Variants in SPEF2 observed in about 807,000 individuals in gnomAD.
The protein encoded by SPEF2 is sperm flagella and cilia-associated protein 2.
In SPEF2, 187 loss-of-function variants were observed where a neutral mutation model predicts 224.6. The ratio of observed to expected loss-of-function variants is 0.83; its 90% confidence interval spans 0.74 to 0.94. SPEF2 has a LOEUF of 0.94. Among genes scored for constraint, SPEF2 ranks in the 40% least tolerant of loss-of-function variants. The pLI is 0.00. For missense variants in SPEF2, 2,170 were observed against 2,135.6 expected, an observed-to-expected ratio of 1.02 and a Z score of -0.32; for synonymous variants, 715 against 707.3, an observed-to-expected ratio of 1.01 and a Z score of -0.17.
intron 6 of SPEF2, among the ~76,000 whole-genome samples, chr5:35,652,012 G>A (rs1475586565): frequency 6.6e-6 from 1 of 152,118 alleles, no homozygotes; most frequent in Non-Finnish European, 1.5e-5. Context: ...ATTTGTCAGA[G>A]GCTTTTCCCA....
intron 26 of SPEF2, among the ~76,000 whole-genome samples, chr5:35,766,496 G>A (rs1210220439): frequency 6.6e-6 from 1 of 151,980 alleles, no homozygotes; most frequent in Non-Finnish European, 1.5e-5. Flanking sequence ...GTGTCTATGT[G>A]ACGTCCACTT....
chr5:35,740,587 A>G (rs1223748256), intron 23 of SPEF2, among the ~76,000 whole-genome samples: 2 of 152,164 alleles, frequency 1.3e-5, no homozygotes, highest in South Asian at 2.1e-4. Flanking sequence ...TGTTAATCAC[A>G]TTCCTTTCTT....
chr5:35,714,051 A>T (rs747868991), intron 20 of SPEF2, among the ~76,000 whole-genome samples: 4 of 4,240 alleles, frequency 9.4e-4, no homozygotes, highest in African/African-American at 2.4e-3. Context: ...CAGTATATAT[A>T]TTTTATATAG....
Position 35,793,360 on chromosome 5 carries a change from T to G in SPEF2, c.4737+19T>G, listed in dbSNP as rs1756217626. ...TATGCAGGTTGTTACCAGCACCTGA[T>G]GGCATTGATAACACCAGAACACTTG... On this transcript the variant is annotated intron_variant, in intron 32 of 36. Transcript: ENST00000356031. 1 of 1,605,670 alleles carries G rather than the reference T, an allele frequency of 6.2e-7. No individual in the cohort carries two copies. The highest frequency in any genetic ancestry group is 1.7e-5 in the Admixed American group (1 of 58,182).
rs80235501 is a variant in SPEF2, at chr5:35,626,162, C to A, written c.59-2298C>A. Among the ~76,000 whole-genome samples the A allele has an allele frequency of 5.1e-3, 775 of 152,236 alleles. 5 individuals are homozygous for A. The highest frequency in any genetic ancestry group is 0.018 in the African/African-American group (733 of 41,542). ...ATGCCATGAATTTCAAATTCTCCTG[C>A]TGGAAGCTTTAGGACATACTCTTCT... On this transcript the variant is annotated intron_variant, in intron 1 of 36. Coordinates refer to ENST00000356031, the MANE Select transcript of SPEF2 (RefSeq NM_024867.4).
intron 30 of SPEF2, among the ~76,000 whole-genome samples, chr5:35,782,945 T>C (rs1364665807): frequency 6.6e-6 from 1 of 152,184 alleles, no homozygotes; most frequent in Non-Finnish European, 1.5e-5. Flanking sequence ...ATAATGACCT[T>C]ATACATGATA....
chr5:35,794,880 G>T (rs1195717958), intron 32 of SPEF2, among the ~76,000 whole-genome samples: 1 of 152,072 alleles, frequency 6.6e-6, no homozygotes, highest in Admixed American at 6.6e-5. Context: ...AGGAACAGTT[G>T]TTTTCTGAGC....
chr5:35,656,303 T>C (rs781657083), intron 7 of SPEF2, among the ~76,000 whole-genome samples: 2 of 152,188 alleles, frequency 1.3e-5, no homozygotes, highest in African/African-American at 4.8e-5. Flanking sequence ...AGCCTTCATA[T>C]AAATATGAAG....
intron 7 of SPEF2, among the ~76,000 whole-genome samples, chr5:35,656,020 T>C (rs1454208524): frequency 3.3e-5 from 5 of 152,126 alleles, no homozygotes; most frequent in African/African-American, 1.2e-4. Flanking sequence ...TTAAGAGCTA[T>C]TTTGGAGGTA....
At chr5:35,678,096 A>G (rs1752275538) in intron 10 of SPEF2, among the ~76,000 whole-genome samples, 1 of 152,204 alleles carries the variant, frequency 6.6e-6, no homozygotes, top group Non-Finnish European at 1.5e-5. Context: ...AAACAAGCAT[A>G]AGGTAGATGC....
At chr5:35,696,406 T>C (rs76940510) in intron 14 of SPEF2, among the ~76,000 whole-genome samples, 5,911 of 152,254 alleles carry the variant, frequency 0.039, 161 homozygotes, top group Non-Finnish European at 0.052. Context: ...CACCAAACTG[T>C]AAACAAGATG....
At chr5:35,715,624 G>T (rs1742397348) in intron 20 of SPEF2, among the ~76,000 whole-genome samples, 1 of 151,890 alleles carries the variant, frequency 6.6e-6, no homozygotes, top group Non-Finnish European at 1.5e-5. Flanking sequence ...TGTTTTGGCT[G>T]ACTAGAAGTT....
At chr5:35,683,441 A>G (rs1271411087) in intron 10 of SPEF2, among the ~76,000 whole-genome samples, 1 of 152,212 alleles carries the variant, frequency 6.6e-6, no homozygotes, top group Non-Finnish European at 1.5e-5. Context: ...CCTGACCAAC[A>G]TGGTGAAACC....
At chr5:35,781,658 T>C (rs1384475782) in intron 30 of SPEF2, 3 of 150,992 alleles carry the variant, frequency 2.0e-5, no homozygotes, top group Non-Finnish European at 4.4e-5. Flanking sequence ...TTTACAAGGC[T>C]ATACAATACG....
Position 35,694,290 on chromosome 5 carries a change from T to A in SPEF2, c.1902T>A (p.Asp634Glu). The A allele has an allele frequency of 6.2e-7, 1 of 1,613,384 alleles. No individual in the cohort carries two copies. The highest frequency in any genetic ancestry group is 8.5e-7 in the Non-Finnish European group (1 of 1,179,592). ...VLQEEIKESQDPQHVFSAGPV... is the reference protein window; with the variant it reads ...VLQEEIKESQEPQHVFSAGPV... ...CTATGTGTGTTTTCTCTCCAAAGGA[T>A]CCACAACATGTATTTTCAGCTGGTC... is the stretch of plus-strand genomic sequence containing the variant. The change falls in exon 13 of 37, where the codon GAT (aspartate) becomes GAA (glutamate). Residue 634 changes from aspartate to glutamate, a missense_variant and splice_region_variant. Asp to Glu is a conservative substitution (Grantham distance 45). Coordinates refer to ENST00000356031, the MANE Select transcript of SPEF2 (RefSeq NM_024867.4).
At chr5:35,720,122 A>G (rs10054231) in intron 20 of SPEF2, among the ~76,000 whole-genome samples, 5,993 of 152,288 alleles carry the variant, frequency 0.039, 194 homozygotes, top group African/African-American at 0.076. Flanking sequence ...TTATTGCACT[A>G]ATGCAAACAA....
chr5:35,792,503 C>A (rs1756107013), intron 31 of SPEF2, 57 bp downstream of exon 31: 1 of 1,387,880 alleles, frequency 7.2e-7, no homozygotes, highest in Non-Finnish European at 1.0e-6. Context: ...TTGATCAATG[C>A]ATCAATAGTT....
At chr5:35,628,623 G>A in intron 2 of SPEF2, 61 bp downstream of exon 2, 2 of 1,226,142 alleles carry the variant, frequency 1.6e-6, no homozygotes, top group Non-Finnish European at 2.4e-6. Context: ...ACAAGGTCTT[G>A]TTCTGTTACT....
intron 24 of SPEF2, among the ~76,000 whole-genome samples, chr5:35,758,925 G>A (rs1419374840): frequency 7.6e-6 from 1 of 132,144 alleles, no homozygotes; most frequent in Non-Finnish European, 1.5e-5. Flanking sequence ...AAAATCGCTT[G>A]AACCTAGGAG....
Sources: allele counts gnomAD v4.1 joint callset (sites outside exome capture counted in the v4.1 genomes callset), GRCh38; gene constraint gnomAD v4.1.1; transcripts MANE v1.5; gene names NCBI Gene and HGNC (gene_info 2026-07-23, HGNC 2026-07-21).